Variants in PRELID2 observed in about 807,000 individuals in gnomAD.
PRELID2 encodes PRELI domain-containing protein 2.
A neutral mutation model predicts 28.4 loss-of-function variants in PRELID2; 25 were observed. The observed-to-expected ratio is 0.88, with a 90% CI of 0.64 to 1.23. The LOEUF (loss-of-function observed/expected upper bound fraction) is 1.23, where lower values mean the gene tolerates loss of function less well. Ranked by LOEUF, PRELID2 falls within the 50% of genes most tolerant of loss-of-function variation. PRELID2 has a pLI of 0.00. For missense variants in PRELID2, 201 were observed against 214.4 expected (o/e 0.94, Z 0.39); for synonymous variants, 76 against 71.6 (o/e 1.06, Z -0.31).
chr5:145,494,209 C>A (rs796264642), intron 1 of PRELID2, among the ~76,000 whole-genome samples: 2 of 152,140 alleles, frequency 1.3e-5, no homozygotes, highest in South Asian at 4.1e-4. Flanking sequence ...ATCAGATTTT[C>A]CTAATCCAAA....
rs35401852 is a variant in PRELID2, at chr5:145,604,882, CATATATAT to C, written n.71-131575_71-131568del. 4.9e-4 allele frequency among the ~76,000 whole-genome samples: 57 copies of C among 116,148 alleles called. 1 individual carries two copies. Among genetic ancestry groups the C allele is most frequent in the African/African-American group, 2.0e-3 (54 of 26,342 alleles). The allele number at this position is 116,148 out of a possible 152,430, so 76.2% of individuals were successfully genotyped here. A position where few individuals can be genotyped will look rare whatever the true frequency, so the allele number is the denominator to read the frequency against. The stretch of plus-strand genomic sequence containing the variant: ...ACCATATTTTAATATGCTTGTTGGC[CATATATAT>C]ATATATATATATATTCTATTGAATT... On this transcript the variant is annotated intron_variant and non_coding_transcript_variant, in intron 1 of 2. Coordinates refer to the PRELID2 transcript ENST00000510259.
the PRELID2 span, among the ~76,000 whole-genome samples, chr5:145,386,335 G>A: frequency 1.3e-5 from 2 of 152,058 alleles, no homozygotes; most frequent in Admixed American, 6.6e-5. Flanking sequence ...GGTGGATTAT[G>A]AGAACCACAG....
At chr5:145,560,580 G>A (rs977092282) in intron 1 of PRELID2, among the ~76,000 whole-genome samples, 1 of 152,186 alleles carries the variant, frequency 6.6e-6, no homozygotes, top group Non-Finnish European at 1.5e-5. Flanking sequence ...ACTTGCTTCT[G>A]CAAAGTCTGG....
At chr5:145,509,076 G>T (rs1752439255) in intron 1 of PRELID2, among the ~76,000 whole-genome samples, 1 of 152,190 alleles carries the variant, frequency 6.6e-6, no homozygotes, top group Non-Finnish European at 1.5e-5. Flanking sequence ...CCTGCAAGAG[G>T]TAAGAGATAG....
At chr5:145,726,321 A>AGAGAG (rs1561559875) in intron 1 of PRELID2, among the ~76,000 whole-genome samples, 9 of 137,612 alleles carry the variant, frequency 6.5e-5, no homozygotes, top group African/African-American at 2.2e-4. Context: ...GAGAGAGAGA[A>AGAGAG]AGAGAGAAAG....
chr5:145,417,925 G>A, the PRELID2 span, among the ~76,000 whole-genome samples: 10 of 152,028 alleles, frequency 6.6e-5, no homozygotes, highest in African/African-American at 2.2e-4. Flanking sequence ...AGAAATAAAG[G>A]GTATTCAAAT....
At chr5:145,583,108 T>C (rs538208172) in intron 1 of PRELID2, among the ~76,000 whole-genome samples, 1 of 152,284 alleles carries the variant, frequency 6.6e-6, no homozygotes, top group African/African-American at 2.4e-5. Context: ...CAAGTTGGCT[T>C]CATCCCTGGG....
chr5:145,693,767 C>CT (rs1755198347), intron 1 of PRELID2, among the ~76,000 whole-genome samples: 1 of 152,088 alleles, frequency 6.6e-6, no homozygotes, highest in South Asian at 2.1e-4. Flanking sequence ...GAGTGAGACT[C>CT]TATCTCCAAA....
chr5:145,314,884 T>G, the PRELID2 span, among the ~76,000 whole-genome samples: 2 of 152,036 alleles, frequency 1.3e-5, no homozygotes, highest in African/African-American at 4.8e-5. Context: ...CCATCTTTTA[T>G]CATCTCTCAC....
chr5:145,346,502 G>T, the PRELID2 span, among the ~76,000 whole-genome samples: 1 of 152,128 alleles, frequency 6.6e-6, no homozygotes, highest in African/African-American at 2.4e-5. Context: ...GTTTTAGAAT[G>T]GGAAAGGAAT....
At chr5:145,286,696 G>GTT in the PRELID2 span, among the ~76,000 whole-genome samples, 8 of 116,990 alleles carry the variant, frequency 6.8e-5, no homozygotes, top group African/African-American at 3.2e-4. Flanking sequence ...CAACATAGAA[G>GTT]TTTTTGTTTT....
Position 145,833,381 on chromosome 5 carries a change from G to A in PRELID2, c.75+1796C>T, listed in dbSNP as rs78685070. ...GACAATCCAAAAAGACTTTACAAAG[G>A]AGCAGTGGCTTAAGGGTACCCAGAC... is the stretch of plus-strand genomic sequence containing the variant. On this transcript the variant is annotated intron_variant, in intron 1 of 6. Coordinates refer to ENST00000683046, the MANE Select transcript of PRELID2 (RefSeq NM_205846.3). 5.7e-3 allele frequency among the ~76,000 whole-genome samples: 862 copies of A among 152,228 alleles called. 7 individuals carry two copies. The highest frequency in any genetic ancestry group is 0.02 in the African/African-American group (821 of 41,538).
the PRELID2 span, among the ~76,000 whole-genome samples, chr5:145,457,097 G>A: frequency 5.5e-4 from 84 of 152,150 alleles, 2 homozygotes; most frequent in African/African-American, 2.0e-3. Context: ...TTTTGGAAAT[G>A]GGGGTAGTGG....
At chr5:145,234,769 A>G in the PRELID2 span, among the ~76,000 whole-genome samples, 1 of 152,134 alleles carries the variant, frequency 6.6e-6, no homozygotes, top group Non-Finnish European at 1.5e-5. Context: ...GAGTCTACCC[A>G]TTCAGTGCAC....
chr5:145,834,165 G>A (rs1169197660), intron 1 of PRELID2, among the ~76,000 whole-genome samples: 1 of 152,162 alleles, frequency 6.6e-6, no homozygotes, highest in Non-Finnish European at 1.5e-5. Flanking sequence ...ACATTTTAGA[G>A]CCCTAACTAA....
intron 1 of PRELID2, among the ~76,000 whole-genome samples, chr5:145,526,802 G>A (rs765550577): frequency 2.0e-5 from 3 of 152,192 alleles, no homozygotes; most frequent in Non-Finnish European, 4.4e-5. Flanking sequence ...GTAAAGGCAG[G>A]AGCAGGAAAG....
chr5:145,352,836 A>C, the PRELID2 span, among the ~76,000 whole-genome samples: 1 of 152,114 alleles, frequency 6.6e-6, no homozygotes, highest in African/African-American at 2.4e-5. Flanking sequence ...AAGGGGCAAA[A>C]TTCTACCAGT....
the PRELID2 span, among the ~76,000 whole-genome samples, chr5:145,395,090 A>G: frequency 2.0e-5 from 3 of 152,122 alleles, no homozygotes; most frequent in Non-Finnish European, 4.4e-5. Context: ...TTGTACACTT[A>G]CTATATGCCA....
chr5:145,597,642 A>G (rs1753328771), intron 1 of PRELID2, among the ~76,000 whole-genome samples: 2 of 152,144 alleles, frequency 1.3e-5, no homozygotes, highest in African/African-American at 2.4e-5. Flanking sequence ...AAACATACTG[A>G]TATGGCATTC....
Sources: allele counts gnomAD v4.1 joint callset (sites outside exome capture counted in the v4.1 genomes callset), GRCh38; gene constraint gnomAD v4.1.1; transcripts MANE v1.5; gene names NCBI Gene and HGNC (gene_info 2026-07-23, HGNC 2026-07-21).